The following PCDHA10 variants were observed in gnomAD, a reference collection of about 807,000 sequenced individuals.
The protein encoded by PCDHA10 is protocadherin alpha 10.
A neutral mutation model predicts 61.2 loss-of-function variants in PCDHA10; 45 were observed. That is an observed-to-expected ratio of 0.74 (90% CI 0.58 to 0.94). PCDHA10 has a LOEUF of 0.94. PCDHA10 is among the 40% of genes least tolerant of loss of function. The pLI is 0.00. For synonymous variants in PCDHA10, 602 were observed against 548.8 expected, an observed-to-expected ratio of 1.10 and a Z score of -1.35; for missense variants, 1,278 against 1,236.2, an observed-to-expected ratio of 1.03 and a Z score of -0.51.
intron 1 of PCDHA10, chr5:140,870,022 T>G (rs1554163715): frequency 6.2e-7 from 1 of 1,613,310 alleles, no homozygotes; most frequent in Admixed American, 1.7e-5. Context: ...CAATGGAACT[T>G]TAGATTATGA....
intron 1 of PCDHA10, among the ~76,000 whole-genome samples, chr5:140,976,407 C>T (rs781867787): frequency 1.1e-4 from 17 of 151,868 alleles, no homozygotes; most frequent in Non-Finnish European, 2.1e-4. Flanking sequence ...AAAAATTAGC[C>T]AGGTACGGTG....
rs2098422926 is a variant in PCDHA10 at position 141,012,085 on chromosome 5, G to A, written c.*2148G>A. The A allele has an allele frequency of 1.3e-5, 2 of 153,740 alleles. No homozygotes were observed. Among genetic ancestry groups the A allele is most frequent in the Admixed American group, 1.3e-4 (2 of 15,280 alleles). 9.5% of individuals were successfully genotyped at this position (153,740 alleles called of 1,614,324 possible). A position where few individuals can be genotyped will look rare whatever the true frequency, so the allele number is the denominator to read the frequency against. ...ACATGTGAACCATTGCTACATTGTAGGTTGTGATCATTTTGCCCCACTGAA... is the reference window on the plus strand; with the variant it reads ...ACATGTGAACCATTGCTACATTGTAAGTTGTGATCATTTTGCCCCACTGAA... On this transcript the variant is annotated 3_prime_UTR_variant, in exon 4 of 4. Coordinates refer to ENST00000307360, the MANE Select transcript of PCDHA10 (RefSeq NM_018901.4).
rs142640080 is a variant in PCDHA10 at position 140,917,521 on chromosome 5, C to T, written c.2388+59085C>T. Among the ~76,000 whole-genome samples the T allele has an allele frequency of 5.8e-4, 88 of 152,256 alleles. 1 individual carries two copies. In the East Asian group the frequency reaches 0.015, roughly 26 times the overall value. On this transcript the variant is annotated intron_variant, in intron 1 of 3. Transcript: ENST00000307360. ...ATGATATTTTCTAGGTTTTATTCTA[C>T]GGTTTGTATAGTTTTAGGTTTTACA...
In PCDHA10 at chr5:140,917,150, G is replaced by A. The variant is rs535773024; in HGVS notation, c.2388+58714G>A. Among the ~76,000 whole-genome samples the A allele has an allele frequency of 2.0e-5, 3 of 152,324 alleles. No individual in the cohort carries two copies. In the South Asian group the frequency reaches 6.2e-4, roughly 32 times the overall value. On this transcript the variant is annotated intron_variant, in intron 1 of 3. Transcript: ENST00000307360. ...CCCCACGTTGCTCAGCTGCTGCTGG[G>A]GGATATGGGAGGGGTGATGGTGGTG...
intron 3 of PCDHA10, among the ~76,000 whole-genome samples, chr5:140,984,867 TA>T (rs1251384308): frequency 6.6e-6 from 1 of 152,180 alleles, no homozygotes; most frequent in Non-Finnish European, 1.5e-5. Context: ...ACACCTATTT[TA>T]TTGAGTTACC....
intron 1 of PCDHA10, chr5:140,883,167 G>A (rs781855278): frequency 6.2e-7 from 1 of 1,613,864 alleles, no homozygotes; most frequent in East Asian, 2.2e-5. Context: ...CCGAACAATG[G>A]AGAAATTAGG....
At chr5:140,985,020 C>G (rs1361661147) in intron 3 of PCDHA10, among the ~76,000 whole-genome samples, 1 of 152,110 alleles carries the variant, frequency 6.6e-6, no homozygotes, top group Non-Finnish European at 1.5e-5. Flanking sequence ...TCACAGCAAC[C>G]TCTGCCTCCT....
chr5:140,896,260 G>A (rs1304707341), intron 1 of PCDHA10, among the ~76,000 whole-genome samples: 1 of 152,230 alleles, frequency 6.6e-6, no homozygotes, highest in African/African-American at 2.4e-5. Context: ...TATGTACACA[G>A]TTATGGGATT....
intron 1 of PCDHA10, among the ~76,000 whole-genome samples, chr5:140,890,337 A>G (rs1256335004): frequency 3.3e-5 from 5 of 152,192 alleles, no homozygotes; most frequent in African/African-American, 1.2e-4. Flanking sequence ...GGTAGTTGGG[A>G]TGGTTTACTA....
At chr5:140,927,472 G>T (rs201932518) in intron 1 of PCDHA10, 4 of 1,614,094 alleles carry the variant, frequency 2.5e-6, no homozygotes, top group African/African-American at 1.3e-5. Context: ...ACTGGATCGC[G>T]AACAGCGCGC....
chr5:140,856,396 C>T lies in PCDHA10; in HGVS notation c.348C>T (p.Phe116=). 6.3e-7 allele frequency: 1 copy of T among 1,598,526 alleles called. No individual in the cohort carries two copies. Among genetic ancestry groups the T allele is most frequent in the Non-Finnish European group, 8.6e-7 (1 of 1,167,978 alleles). ...EVIVDRPLQV[F]HVDVEVKDIN... ...TCGTGGACAGGCCGCTGCAGGTTTT[C>T]CATGTGGACGTGGAAGTGAAGGACA... The change falls in exon 1 of 4, where the codon TTC becomes TTT. Residue 116 remains phenylalanine (F), a synonymous_variant. Coordinates refer to ENST00000307360, the MANE Select transcript of PCDHA10 (RefSeq NM_018901.4).
chr5:140,966,945 A>G, intron 1 of PCDHA10: 1 of 1,603,804 alleles, frequency 6.2e-7, no homozygotes, highest in Non-Finnish European at 8.5e-7. Flanking sequence ...CTCGTGGGCA[A>G]CGTGGCTCGC....
chr5:140,992,698 A>G (rs764226558), intron 3 of PCDHA10, among the ~76,000 whole-genome samples: 4 of 152,094 alleles, frequency 2.6e-5, no homozygotes, highest in Non-Finnish European at 4.4e-5. Flanking sequence ...GGGGTGGGTA[A>G]TGTTCCTGCC....
chr5:140,968,232 G>T, intron 1 of PCDHA10: 2 of 1,613,990 alleles, frequency 1.2e-6, no homozygotes, highest in Non-Finnish European at 1.7e-6. Context: ...GTGTTGCTCT[G>T]TACTGTGCAA....
intron 1 of PCDHA10, among the ~76,000 whole-genome samples, chr5:140,947,749 T>TC (rs1316656181): frequency 6.6e-6 from 1 of 151,628 alleles, no homozygotes; most frequent in Non-Finnish European, 1.5e-5. Flanking sequence ...TCTTATGTAT[T>TC]TTATGGTTTA....
intron 1 of PCDHA10, among the ~76,000 whole-genome samples, chr5:140,922,269 T>C (rs782114145): frequency 1.3e-5 from 2 of 152,214 alleles, no homozygotes; most frequent in Non-Finnish European, 2.9e-5. Context: ...GCCATGAAGA[T>C]TGGACCAAGA....
intron 1 of PCDHA10, among the ~76,000 whole-genome samples, chr5:140,972,665 T>A (rs1554234345): frequency 6.7e-6 from 1 of 148,584 alleles, no homozygotes; most frequent in Non-Finnish European, 1.5e-5. Flanking sequence ...ACCAAATTTT[T>A]TTTTTTTTTT....
chr5:140,908,730 C>G (rs1367655223), intron 1 of PCDHA10, among the ~76,000 whole-genome samples: 4 of 152,124 alleles, frequency 2.6e-5, no homozygotes, highest in Non-Finnish European at 4.4e-5. Context: ...TCATATGGCT[C>G]GAGAAACAGA....
chr5:140,990,518 T>G (rs2097397992), intron 3 of PCDHA10, among the ~76,000 whole-genome samples: 1 of 152,314 alleles, frequency 6.6e-6, no homozygotes, highest in South Asian at 2.1e-4. Context: ...CTCTCTTGTC[T>G]TTTTTGACTG....
Sources: gnomAD v4.1 joint callset for allele counts (sites outside exome capture counted in the v4.1 genomes callset) on GRCh38, gnomAD v4.1.1 for gene constraint, MANE v1.5 for transcripts, NCBI Gene and HGNC (gene_info 2026-07-23, HGNC 2026-07-21) for gene names.